LYZL4: variants seen among roughly 807,000 people sequenced by gnomAD.
LYZL4 encodes lysozyme like 4.
Under a neutral mutation model 17.6 loss-of-function variants are expected in LYZL4, and 13 were observed. The observed-to-expected ratio is 0.74, with a 90% CI of 0.48 to 1.18. The LOEUF is 1.18. Ranked by LOEUF, LYZL4 falls within the 50% of genes most tolerant of loss-of-function variation. LYZL4 has a pLI of 0.00. For missense variants in LYZL4, 174 were observed against 188.2 expected, an observed-to-expected ratio of 0.92 and a Z score of 0.44; for synonymous variants, 64 against 67.7, an observed-to-expected ratio of 0.95 and a Z score of 0.27.
chr3:42,371,706 G>A, the LYZL4 span, among the ~76,000 whole-genome samples: 2 of 152,184 alleles, frequency 1.3e-5, no homozygotes, highest in African/African-American at 4.8e-5. Flanking sequence ...GCCTATGCTT[G>A]CAGGCTCAGT....
intron 4 of LYZL4, among the ~76,000 whole-genome samples, chr3:42,399,516 C>A (rs1466849148): frequency 6.6e-6 from 1 of 152,090 alleles, no homozygotes; most frequent in African/African-American, 2.4e-5. Context: ...ATGGCAGAGA[C>A]CTTTAAGTAG....
At chr3:42,362,257 A>G in the LYZL4 span, among the ~76,000 whole-genome samples, 9 of 152,242 alleles carry the variant, frequency 5.9e-5, no homozygotes, top group Admixed American at 5.2e-4. Context: ...GTGTAGGAAC[A>G]TTAGTTCATC....
chr3:42,388,154 G>A, the LYZL4 span, among the ~76,000 whole-genome samples: 1 of 152,182 alleles, frequency 6.6e-6, no homozygotes, highest in African/African-American at 2.4e-5. Flanking sequence ...AAAAACAAAA[G>A]GGGAGTCATA....
the LYZL4 span, among the ~76,000 whole-genome samples, chr3:42,368,991 A>G: frequency 8.0e-3 from 1,221 of 152,242 alleles, 18 homozygotes; most frequent in African/African-American, 0.027. Context: ...TCTATTTCTT[A>G]TTGATTTGCA....
the LYZL4 span, among the ~76,000 whole-genome samples, chr3:42,365,445 C>T: frequency 6.6e-6 from 1 of 152,116 alleles, no homozygotes; most frequent in African/African-American, 2.4e-5. Context: ...CTTGACTGGG[C>T]TGAAGGTTGA....
At chr3:42,374,649 C>T in the LYZL4 span, among the ~76,000 whole-genome samples, 3 of 152,198 alleles carry the variant, frequency 2.0e-5, no homozygotes, top group Admixed American at 2.0e-4. Flanking sequence ...ATACGGCCCT[C>T]CCTTCAGCTC....
downstream of LYZL4, among the ~76,000 whole-genome samples, chr3:42,395,795 C>T (rs187232229): frequency 3.3e-5 from 5 of 152,230 alleles, no homozygotes; most frequent in East Asian, 5.8e-4. Flanking sequence ...TGGCCAAGAT[C>T]GGTGGCTCAC....
chr3:42,398,028 G>A (rs1299505557), intron 4 of LYZL4, among the ~76,000 whole-genome samples: 2 of 152,130 alleles, frequency 1.3e-5, no homozygotes, highest in Non-Finnish European at 1.5e-5. Flanking sequence ...TCAGCGGGCC[G>A]GTTTCCACGG....
At chr3:42,378,829 G>C in the LYZL4 span, among the ~76,000 whole-genome samples, 1 of 152,000 alleles carries the variant, frequency 6.6e-6, no homozygotes. Flanking sequence ...CTTCATTCTC[G>C]CAGCAATCTG....
At chr3:42,367,186 C>G in the LYZL4 span, among the ~76,000 whole-genome samples, 2 of 152,156 alleles carry the variant, frequency 1.3e-5, no homozygotes, top group African/African-American at 4.8e-5. Context: ...ACACACATAC[C>G]CTAGAAGACA....
chr3:42,375,217 T>C, the LYZL4 span, among the ~76,000 whole-genome samples: 1 of 152,204 alleles, frequency 6.6e-6, no homozygotes, highest in African/African-American at 2.4e-5. Context: ...TCTTCTCTCC[T>C]GTGCTCTTAT....
chr3:42,387,663 A>G, the LYZL4 span, among the ~76,000 whole-genome samples: 1,433 of 152,230 alleles, frequency 9.4e-3, 55 homozygotes, highest in East Asian at 0.066. Context: ...GGAGGTTCAA[A>G]AAGAACAAAA....
chr3:42,396,627 A>G (rs1029698035), downstream of LYZL4, among the ~76,000 whole-genome samples: 1 of 152,252 alleles, frequency 6.6e-6, no homozygotes, highest in Non-Finnish European at 1.5e-5. Context: ...ACCAAAACAT[A>G]ACAGCAATTG....
rs1698560245 is a variant in LYZL4, at chr3:42,397,099, G to T, written c.*166C>A. On this transcript the variant is annotated 3_prime_UTR_variant, in exon 5 of 5. Coordinates refer to ENST00000287748, the MANE Select transcript of LYZL4 (RefSeq NM_144634.4). The stretch of plus-strand genomic sequence containing the variant: ...TGGCCCAAGTTGAGTAACTAGTTTG[G>T]TTTATTCTGCATCCTGCATCCCCGG... The T allele has an allele frequency of 3.6e-6, 2 of 548,128 alleles. No homozygotes were observed. Among genetic ancestry groups the T allele is most frequent in the Non-Finnish European group, 6.7e-6 (2 of 298,566 alleles). The allele number at this position is 548,128 out of a possible 1,614,324, so 34.0% of individuals were successfully genotyped here. A position where few individuals can be genotyped will look rare whatever the true frequency, so the allele number is the denominator to read the frequency against.
the LYZL4 span, among the ~76,000 whole-genome samples, chr3:42,384,212 A>C: frequency 2.3e-4 from 35 of 152,338 alleles, no homozygotes; most frequent in Admixed American, 7.2e-4. Flanking sequence ...ACCCAACCGA[A>C]GTATCAGTCT....
chr3:42,387,232 T>G, the LYZL4 span, among the ~76,000 whole-genome samples: 2 of 152,302 alleles, frequency 1.3e-5, no homozygotes, highest in East Asian at 3.9e-4. Flanking sequence ...GAAGTGAGAC[T>G]TAACAAGATT....
the LYZL4 span, among the ~76,000 whole-genome samples, chr3:42,384,660 C>G: frequency 3.3e-4 from 50 of 152,274 alleles, no homozygotes; most frequent in Middle Eastern, 0.01. Context: ...AAACACTGTT[C>G]AGGAAAAAGA....
At chr3:42,379,511 C>T in the LYZL4 span, among the ~76,000 whole-genome samples, 1 of 152,176 alleles carries the variant, frequency 6.6e-6, no homozygotes, top group African/African-American at 2.4e-5. Context: ...GCCATATTCT[C>T]AAACTACTAC....
At chr3:42,394,239 A>G (rs532170312), downstream of LYZL4, among the ~76,000 whole-genome samples, 1 of 152,348 alleles carries the variant, frequency 6.6e-6, no homozygotes, top group East Asian at 1.9e-4. Context: ...ATTGTCCTGC[A>G]CTAGTTGCCT....
Sources: gnomAD v4.1 joint callset for allele counts (sites outside exome capture counted in the v4.1 genomes callset) on GRCh38, gnomAD v4.1.1 for gene constraint, MANE v1.5 for transcripts, NCBI Gene and HGNC (gene_info 2026-07-23, HGNC 2026-07-21) for gene names.